The following MCOLN1 variants were observed in gnomAD, a reference collection of about 807,000 sequenced individuals.
MCOLN1 encodes the protein mucolipin TRP cation channel 1.
MCOLN1 carries 50 observed loss-of-function variants against 70.3 expected under a neutral mutation model. The ratio of observed to expected loss-of-function variants is 0.71; its 90% CI spans 0.57 to 0.90. The LOEUF is 0.90. MCOLN1 is among the 40% of genes least tolerant of loss of function. MCOLN1 has a pLI of 0.00. For synonymous variants in MCOLN1, 366 were observed against 341.0 expected, an observed-to-expected ratio of 1.07 and a Z score of -0.81; for missense variants, 598 against 803.5, an observed-to-expected ratio of 0.74 and a Z score of 3.09.
intron 12 of MCOLN1, chr19:7,533,284 A>T (rs1042455938): frequency 8.3e-6 from 5 of 600,356 alleles, no homozygotes; most frequent in Non-Finnish European, 1.5e-5. Flanking sequence ...TAGGTGCTGG[A>T]CCTACAGCAG....
chr19:7,527,395 G>A, intron 4 of MCOLN1, 125 bp from the exon 5 acceptor site: 1 of 733,098 alleles, frequency 1.4e-6, no homozygotes, highest in Non-Finnish European at 2.5e-6. Context: ...GGCCCAGAGA[G>A]TGCCAGGCCT....
chr19:7,525,284 G>A lies in MCOLN1; in HGVS notation c.237+118G>A. The A allele has an allele frequency of 4.3e-6, 4 of 923,186 alleles. No individual in the cohort carries two copies. The highest frequency in any genetic ancestry group is 6.9e-6 in the Non-Finnish European group (4 of 583,332). 57.2% of individuals were successfully genotyped at this position (923,186 alleles called of 1,614,324 possible). ...AGGCCGGTGGATCGCTTGAGGCTGGGAGTTCAAGACCAGTCTGGCCAGCAT... is the reference window on the plus strand; with the variant it reads ...AGGCCGGTGGATCGCTTGAGGCTGGAAGTTCAAGACCAGTCTGGCCAGCAT... On this transcript the variant is annotated intron_variant, in intron 2 of 13. Coordinates refer to ENST00000264079, the MANE Select transcript of MCOLN1 (RefSeq NM_020533.3). This position sits in a 1 kb window ranked among gnomAD's most constrained non-coding sequence, Gnocchi z 4.2.
At chr19:7,529,506 G>GGGGGGC in intron 10 of MCOLN1, 84 bp from the exon 11 acceptor site, 3 of 280,218 alleles carry the variant, frequency 1.1e-5, no homozygotes, top group African/African-American at 4.2e-5. Context: ...GCAAGGCCCC[G>GGGGGGC]CCCCTCCCAC....
Position 7,528,476 on chromosome 19 carries a change from C to A in MCOLN1, c.878-121C>A. 2 of 1,314,714 alleles carry A rather than the reference C, an allele frequency of 1.5e-6. No homozygotes were observed. The highest frequency in any genetic ancestry group is 2.1e-6 in the Non-Finnish European group (2 of 939,710). The allele number at this position is 1,314,714 out of a possible 1,614,324, so 81.4% of individuals were successfully genotyped here. On this transcript the variant is annotated intron_variant, in intron 7 of 13. Transcript: ENST00000264079. This position sits in a 1 kb window ranked among gnomAD's most constrained non-coding sequence, Gnocchi z 4.2. Reference sequence around the variant, plus strand: ...TGACTCACCCCAAGCAAGCCCTGAGCCCACTGACCAACCAAAACCAGCCGT... The same window carrying A: ...TGACTCACCCCAAGCAAGCCCTGAGACCACTGACCAACCAAAACCAGCCGT...
rs1028645904 is a variant in MCOLN1, at chr19:7,533,632, G to C, written c.1685G>C (p.Ser562Thr). ...KFRRGSGSAC[S>T]LLCCCGRDPS... ...CGCCGCGGGAGCGGCTCGGCCTGCAGCCTTCTCTGCTGCTGCGGAAGGTTC... is the reference window on the plus strand; with the variant it reads ...CGCCGCGGGAGCGGCTCGGCCTGCACCCTTCTCTGCTGCTGCGGAAGGTTC... The change falls in exon 13 of 14, where the codon AGC (serine) becomes ACC (threonine). Residue 562 changes from serine to threonine, a missense_variant. Ser to Thr is a moderately conservative substitution (Grantham distance 58). Coordinates refer to ENST00000264079, the MANE Select transcript of MCOLN1 (RefSeq NM_020533.3). The C allele has an allele frequency of 6.2e-7, 1 of 1,612,704 alleles. No individual in the cohort carries two copies. Among genetic ancestry groups the C allele is most frequent in the South Asian group, 1.1e-5 (1 of 91,020 alleles).
intron 12 of MCOLN1, among the ~76,000 whole-genome samples, chr19:7,533,127 G>T (rs1364981116): frequency 6.6e-6 from 1 of 152,208 alleles, no homozygotes. Context: ...TTCCTGTCTT[G>T]CCTTAGCACG....
At chr19:7,527,821 G>A in intron 5 of MCOLN1, 43 bp from the exon 6 acceptor site, 7 of 1,499,000 alleles carry the variant, frequency 4.7e-6, no homozygotes, top group Middle Eastern at 3.4e-4. Context: ...GGCCGGAAGG[G>A]ACCCGAAGAC....
At position 7,528,842 on chromosome 19, in the gene MCOLN1, C is replaced by G; in HGVS notation, c.1006C>G (p.Arg336Gly). 6.2e-7 allele frequency: 1 copy of G among 1,614,204 alleles called. No homozygotes were observed. The highest frequency in any genetic ancestry group is 1.1e-5 in the South Asian group (1 of 91,088). Residue 336 changes from arginine to glycine, a missense_variant, in exon 9 of 14, where the codon CGG becomes GGG. By Grantham distance (125) the Arg-to-Gly change is moderately radical. Coordinates refer to ENST00000264079, the MANE Select transcript of MCOLN1 (RefSeq NM_020533.3). This position sits in a 1 kb window ranked among gnomAD's most constrained non-coding sequence, Gnocchi z 4.2. ...GCAGGAGTTTGTGGGGTTCATGTGG[C>G]GGCAGCGGGGACGGGTCATCAGCCT... ...LQNEFVGFMW[R>G]QRGRVISLWE...
At chr19:7,531,198 T>C (rs1425766212) in intron 12 of MCOLN1, among the ~76,000 whole-genome samples, 1 of 150,200 alleles carries the variant, frequency 6.7e-6, no homozygotes, top group Non-Finnish European at 1.5e-5. Context: ...ACACCCAGCC[T>C]ATTATTATTA....
intron 12 of MCOLN1, among the ~76,000 whole-genome samples, chr19:7,533,238 A>C (rs540897261): frequency 6.6e-6 from 1 of 152,298 alleles, no homozygotes; most frequent in South Asian, 2.1e-4. Context: ...ATGGTTTCTG[A>C]GCATCGAGGT....
chr19:7,528,618 T>C lies in MCOLN1; in HGVS notation c.899T>C (p.Leu300Pro). 2.5e-6 allele frequency: 4 copies of C among 1,614,276 alleles called. No homozygotes were observed. Among genetic ancestry groups the C allele is most frequent in the Non-Finnish European group, 3.4e-6 (4 of 1,180,048 alleles). The change falls in exon 8 of 14, where the codon CTG (leucine) becomes CCG (proline). Residue 300 changes from leucine to proline, a missense_variant. Leu to Pro is a moderately conservative substitution (Grantham distance 98). Around this residue, in one of 3 missense-constraint regions of MCOLN1, gnomAD observed 461 missense variants for 588.4 expected, o/e 0.78. Transcript: ENST00000264079. The surrounding 1 kb of genome is among the most constrained non-coding windows in gnomAD (Gnocchi z 4.2). ...GCAGGAGACAACAGCTTCCGGCTCC[T>C]GTTTGACGTGGTGGTCATCCTCACC... ...FQHGDNSFRL[L>P]FDVVVILTCS...
chr19:7,527,727 C>T (rs2022592674), intron 5 of MCOLN1, 99 bp downstream of exon 5: 2 of 1,086,866 alleles, frequency 1.8e-6, no homozygotes, highest in South Asian at 1.2e-5. Flanking sequence ...GACAGGGCCC[C>T]CCCGCCCGCG....
At chr19:7,523,541 A>G (rs1173908112) in intron 1 of MCOLN1, among the ~76,000 whole-genome samples, 2 of 152,214 alleles carry the variant, frequency 1.3e-5, no homozygotes, top group African/African-American at 4.8e-5. Flanking sequence ...CCTCTCTGCA[A>G]GGGAGGTTCT....
At chr19:7,527,091 G>T in intron 4 of MCOLN1, 165 bp downstream of exon 4, 3 of 855,536 alleles carry the variant, frequency 3.5e-6, no homozygotes, top group Non-Finnish European at 5.7e-6. Flanking sequence ...CCTGGGCCAC[G>T]TAGGAAGACC....
Position 7,528,720 on chromosome 19 carries a change from A to G in MCOLN1, c.984+17A>G. The G allele has an allele frequency of 1.2e-6, 2 of 1,614,066 alleles. No homozygotes were observed. The highest frequency in any genetic ancestry group is 1.7e-6 in the Non-Finnish European group (2 of 1,180,004). ...CTGCAGAACGTGAGGCTTCTGCGTCATGTGTGCTGGTGTCCTCCCCGCCTG... is the reference window on the plus strand; with the variant it reads ...CTGCAGAACGTGAGGCTTCTGCGTCGTGTGTGCTGGTGTCCTCCCCGCCTG... On this transcript the variant is annotated intron_variant, in intron 8 of 13. Transcript: ENST00000264079. The surrounding 1 kb of genome is among the most constrained non-coding windows in gnomAD (Gnocchi z 4.2).
rs374286921 is a variant in MCOLN1, at chr19:7,528,877, G to A, written c.1041G>A (p.Arg347=). 1 of 1,614,188 alleles carries A rather than the reference G, an allele frequency of 6.2e-7. No homozygotes were observed. Among genetic ancestry groups the A allele is most frequent in the African/African-American group, 1.3e-5 (1 of 75,042 alleles). The change falls in exon 9 of 14, where the codon CGG becomes CGA. Residue 347 remains arginine, a synonymous_variant. Transcript: ENST00000264079. This position sits in a 1 kb window ranked among gnomAD's most constrained non-coding sequence, Gnocchi z 4.2. The stretch of plus-strand genomic sequence containing the variant: ...GACGGGTCATCAGCCTGTGGGAGCG[G>A]CTGGAATTTGTCAATGGCTGGTACA... ...QRGRVISLWE[R]LEFVNGWYIL...
chr19:7,523,017 CG>C (rs1568397043), intron 1 of MCOLN1, among the ~76,000 whole-genome samples: 1 of 152,218 alleles, frequency 6.6e-6, no homozygotes, highest in African/African-American at 2.4e-5. Context: ...GGGATCGCGC[CG>C]GGCCGCCAGC....
rs199879376 is a variant in MCOLN1, at chr19:7,527,488, C to T, written c.572-32C>T. ...GAGACCAGCCTGGCCTCCCCGGCCCCCTGAGGCCCTTCCCTGACTCCCTGT... is the reference window on the plus strand; with the variant it reads ...GAGACCAGCCTGGCCTCCCCGGCCCTCTGAGGCCCTTCCCTGACTCCCTGT... On this transcript the variant is annotated intron_variant, in intron 4 of 13. Transcript: ENST00000264079. 3 of 940,750 alleles carry T rather than the reference C, an allele frequency of 3.2e-6. No homozygotes were observed. The South Asian group carries it at 3.9e-5, about 12-fold the overall frequency. The allele number at this position is 940,750 out of a possible 1,614,324, so 58.3% of individuals were successfully genotyped here.
intron 1 of MCOLN1, among the ~76,000 whole-genome samples, 199 bp downstream of exon 1, chr19:7,522,980 G>T (rs2022516456): frequency 6.6e-6 from 1 of 152,188 alleles, no homozygotes; most frequent in Non-Finnish European, 1.5e-5. Context: ...CTGAACCCAG[G>T]CTCTGCTGGG....
Sources: allele counts gnomAD v4.1 joint callset (sites outside exome capture counted in the v4.1 genomes callset), GRCh38; gene constraint gnomAD v4.1.1; regional missense constraint gnomAD v4.1.1; non-coding constraint Gnocchi (gnomAD v3.1); transcripts MANE v1.5; gene names NCBI Gene and HGNC (gene_info 2026-07-23, HGNC 2026-07-21).